AUTS2: variants seen among roughly 807,000 people sequenced by gnomAD.
AUTS2 encodes the protein autism susceptibility gene 2 protein.
AUTS2 carries 17 observed loss-of-function variants against 112.4 expected under a neutral mutation model. That is an observed-to-expected ratio of 0.15 (90% CI 0.10 to 0.23). The LOEUF (loss-of-function observed/expected upper bound fraction) is 0.23, where lower values mean the gene tolerates loss of function less well. AUTS2 is among the 10% of genes least tolerant of loss of function. The pLI, the probability that AUTS2 is intolerant of heterozygous loss-of-function variation, is 1.00. For synonymous variants in AUTS2, 751 were observed against 702.7 expected, an observed-to-expected ratio of 1.07 and a Z score of -1.09; for missense variants, 1,510 against 1,701.6, an observed-to-expected ratio of 0.89 and a Z score of 1.98.
At chr7:69,858,827 G>A (rs540219790) in intron 1 of AUTS2, among the ~76,000 whole-genome samples, 19 of 152,180 alleles carry the variant, frequency 1.2e-4, no homozygotes, top group Non-Finnish European at 2.1e-4. Context: ...GGTTTGCTAG[G>A]TATGTACTGT....
rs577061334 is a variant in AUTS2 at position 70,196,231 on chromosome 7, A to G, written c.660+61660A>G. Among the ~76,000 whole-genome samples, 17 of 152,336 alleles carry G rather than the reference A, an allele frequency of 1.1e-4. 2 individuals carry two copies. In the South Asian group the frequency reaches 3.3e-3, roughly 30 times the overall value. On this transcript the variant is annotated intron_variant, in intron 4 of 18. Coordinates refer to ENST00000342771, the MANE Select transcript of AUTS2 (RefSeq NM_015570.4). Reference sequence around the variant, plus strand: ...CATTAAGTGTGTGGTGTTTAGGCAGACTGTGTCCCTGGGTAAAGTGTGCTG... The same window carrying G: ...CATTAAGTGTGTGGTGTTTAGGCAGGCTGTGTCCCTGGGTAAAGTGTGCTG...
At chr7:70,760,052 C>A (rs1789461226) in intron 6 of AUTS2, among the ~76,000 whole-genome samples, 1 of 151,378 alleles carries the variant, frequency 6.6e-6, no homozygotes, top group Admixed American at 6.6e-5. Flanking sequence ...GTCGCCTAGG[C>A]TGGAGTGCAG....
chr7:70,460,391 C>T (rs1300317361), intron 5 of AUTS2, among the ~76,000 whole-genome samples: 1 of 142,620 alleles, frequency 7.0e-6, no homozygotes, highest in Non-Finnish European at 1.5e-5. Context: ...GCTTGTGTCA[C>T]CCAGGCTGGA....
chr7:70,027,136 G>C (rs971531096), intron 2 of AUTS2, among the ~76,000 whole-genome samples: 5 of 152,142 alleles, frequency 3.3e-5, no homozygotes, highest in African/African-American at 1.2e-4. Flanking sequence ...AGGTGTATCA[G>C]ATGCTTTTTT....
At chr7:70,418,512 C>A (rs532933158) in intron 4 of AUTS2, among the ~76,000 whole-genome samples, 2 of 152,286 alleles carry the variant, frequency 1.3e-5, no homozygotes, top group African/African-American at 4.8e-5. Context: ...ATCTTTCTAA[C>A]TTGTGAGTGG....
At chr7:69,628,192 T>C (rs557382818) in intron 1 of AUTS2, among the ~76,000 whole-genome samples, 66 of 152,292 alleles carry the variant, frequency 4.3e-4, no homozygotes, top group Non-Finnish European at 8.4e-4. Flanking sequence ...TCTTCTGAAG[T>C]GTGAGAGGGT....
intron 4 of AUTS2, among the ~76,000 whole-genome samples, chr7:70,223,978 A>G (rs1811620152): frequency 1.3e-5 from 2 of 151,546 alleles, no homozygotes; most frequent in South Asian, 4.2e-4. Flanking sequence ...GATTACCCAC[A>G]TGCACCACTG....
chr7:69,785,430 G>T (rs1394764015), intron 1 of AUTS2, among the ~76,000 whole-genome samples: 2 of 152,246 alleles, frequency 1.3e-5, no homozygotes, highest in Non-Finnish European at 2.9e-5. Flanking sequence ...ACTCAAAGTA[G>T]ATGTTTGGCT....
At chr7:70,360,830 C>T (rs1792226531) in intron 4 of AUTS2, among the ~76,000 whole-genome samples, 1 of 152,126 alleles carries the variant, frequency 6.6e-6, no homozygotes, top group Admixed American at 6.5e-5. Flanking sequence ...TACCCAGAGG[C>T]CTCTAAGCTG....
At chr7:69,935,186 G>A (rs951557681) in intron 2 of AUTS2, among the ~76,000 whole-genome samples, 1 of 149,770 alleles carries the variant, frequency 6.7e-6, no homozygotes, top group Admixed American at 6.7e-5. Context: ...AAAAAAGGAC[G>A]GAGGGGATCT....
intron 3 of AUTS2, among the ~76,000 whole-genome samples, chr7:70,130,232 C>T (rs1487358094): frequency 6.6e-6 from 1 of 152,166 alleles, no homozygotes; most frequent in Non-Finnish European, 1.5e-5. Flanking sequence ...GGGTGGAGTA[C>T]ACATGTGTCC....
intron 2 of AUTS2, among the ~76,000 whole-genome samples, chr7:70,085,231 C>A (rs1803534572): frequency 6.6e-6 from 1 of 152,016 alleles, no homozygotes; most frequent in Non-Finnish European, 1.5e-5. Flanking sequence ...ATTTACATAC[C>A]AAGGATACAG....
chr7:69,890,775 G>A (rs747430204), intron 1 of AUTS2, among the ~76,000 whole-genome samples: 3 of 151,834 alleles, frequency 2.0e-5, no homozygotes, highest in African/African-American at 4.8e-5. Context: ...CAAGACATTC[G>A]TGTTCACAAC....
intron 5 of AUTS2, among the ~76,000 whole-genome samples, chr7:70,470,844 A>G (rs982413791): frequency 6.6e-6 from 1 of 152,026 alleles, no homozygotes; most frequent in Non-Finnish European, 1.5e-5. Context: ...AACAAAGGGC[A>G]TTGTCTAGTA....
chr7:70,313,775 A>G (rs1468549239), intron 4 of AUTS2, among the ~76,000 whole-genome samples: 1 of 152,196 alleles, frequency 6.6e-6, no homozygotes, highest in East Asian at 1.9e-4. Flanking sequence ...CTTAAATTGC[A>G]AAGAATTTCT....
chr7:70,505,495 G>A (rs1798925770), intron 5 of AUTS2, among the ~76,000 whole-genome samples: 1 of 152,216 alleles, frequency 6.6e-6, no homozygotes, highest in Non-Finnish European at 1.5e-5. Context: ...CTAATGGAAA[G>A]GGCCTGCACT....
Position 70,785,981 on chromosome 7 carries a change from A to C in AUTS2, c.2251A>C (p.Thr751Pro), listed in dbSNP as rs372998593. 1.5e-4 allele frequency: 238 copies of C among 1,614,100 alleles called. 2 individuals carry two copies. In the Middle Eastern group the frequency reaches 5.8e-3, roughly 40 times the overall value. ...GCCTTTTAATCGGCCGTCTACATTC[A>C]CAGGCCTAGCAGCAGTTGGTGGCAA... is the stretch of plus-strand genomic sequence containing the variant. ...LEPFNRPSTF[T>P]GLAAVGGNAF... The change falls in exon 17 of 19, where the codon ACA (threonine) becomes CCA (proline). Residue 751 changes from threonine to proline, a missense_variant. This residue lies in a region of AUTS2 where 788 missense variants were observed against 797.6 expected (regional missense o/e 0.99). Coordinates refer to ENST00000342771, the MANE Select transcript of AUTS2 (RefSeq NM_015570.4).
chr7:69,899,489 A>C lies in AUTS2; in HGVS notation c.513A>C (p.Ala171=), dbSNP rs372870857. The change falls in exon 2 of 19, where the codon GCA becomes GCC. Residue 171 remains alanine, a synonymous_variant. Transcript: ENST00000342771. The stretch of plus-strand genomic sequence containing the variant: ...GGAAGAGAAAGAAAATGCCGAAGGC[A>C]CTCAGACAGGTGAGGAAGCTTGGGT... The part of the protein sequence containing the change: ...HLGKRKKMPK[A]LRQLKPGQNS... 2.0e-5 allele frequency: 32 copies of C among 1,613,848 alleles called. No homozygotes were observed. Among genetic ancestry groups the C allele is most frequent in the Non-Finnish European group, 2.4e-5 (28 of 1,179,864 alleles).
intron 4 of AUTS2, among the ~76,000 whole-genome samples, chr7:70,313,414 A>G (rs751149429): frequency 1.3e-5 from 2 of 152,244 alleles, no homozygotes; most frequent in Non-Finnish European, 2.9e-5. Context: ...GTTCTAAAAG[A>G]AACAAAAAGA....
Sources: gnomAD v4.1 joint callset for allele counts (sites outside exome capture counted in the v4.1 genomes callset) on GRCh38, gnomAD v4.1.1 for gene constraint, gnomAD v4.1.1 regional missense constraint, MANE v1.5 for transcripts, NCBI Gene and HGNC (gene_info 2026-07-23, HGNC 2026-07-21) for gene names.